Variants in MAGI1 observed in about 807,000 individuals in gnomAD.
MAGI1 encodes the protein membrane associated guanylate kinase, WW and PDZ domain containing 1.
Under a neutral mutation model 139.9 loss-of-function variants are expected in MAGI1, and 58 were observed. That is an observed-to-expected ratio of 0.41 (90% CI 0.34 to 0.52). The LOEUF (loss-of-function observed/expected upper bound fraction) is 0.52, where lower values mean the gene tolerates loss of function less well. MAGI1 is among the 20% of genes least tolerant of loss of function. MAGI1 has a pLI of 0.12. For synonymous variants in MAGI1, 812 were observed against 737.9 expected (o/e 1.10, Z -1.63); for missense variants, 1,874 against 1,901.6 (o/e 0.99, Z 0.27).
chr3:66,026,852 A>ATGTTGTAC (rs141461969), intron 1 of MAGI1, among the ~76,000 whole-genome samples: 95,363 of 151,100 alleles, frequency 0.63, 30,860 homozygotes, highest in East Asian at 0.86. Context: ...GTCACCAAGC[A>ATGTTGTAC]TGTCTCTCTG....
intron 10 of MAGI1, among the ~76,000 whole-genome samples, chr3:65,432,755 C>A (rs993868231): frequency 2.0e-5 from 3 of 152,014 alleles, no homozygotes; most frequent in Non-Finnish European, 4.4e-5. Context: ...TAAGATAACC[C>A]CCAAAGTTTA....
At chr3:65,896,721 A>C (rs1265459954) in intron 1 of MAGI1, among the ~76,000 whole-genome samples, 1 of 152,210 alleles carries the variant, frequency 6.6e-6, no homozygotes, top group Admixed American at 6.5e-5. Flanking sequence ...ACCCAACAAT[A>C]ATATGGACAG....
chr3:65,671,862 G>T (rs376189228), intron 1 of MAGI1, among the ~76,000 whole-genome samples: 3 of 152,198 alleles, frequency 2.0e-5, no homozygotes, highest in East Asian at 3.9e-4. Flanking sequence ...ACCAAAAAAA[G>T]TTCCTACAAC....
intron 1 of MAGI1, among the ~76,000 whole-genome samples, chr3:65,872,223 G>A (rs2059963332): frequency 6.6e-6 from 1 of 152,208 alleles, no homozygotes; most frequent in South Asian, 2.1e-4. Flanking sequence ...TTCATATACT[G>A]CTCACAGTCC....
chr3:65,403,304 T>G (rs1559526675), intron 12 of MAGI1, among the ~76,000 whole-genome samples: 1 of 152,162 alleles, frequency 6.6e-6, no homozygotes, highest in South Asian at 2.1e-4. Flanking sequence ...TATCTTGCAC[T>G]AACTAGAGAA....
intron 1 of MAGI1, among the ~76,000 whole-genome samples, chr3:65,801,314 C>T (rs1189478830): frequency 2.0e-5 from 3 of 152,070 alleles, no homozygotes; most frequent in Non-Finnish European, 4.4e-5. Context: ...ACAGAGCATC[C>T]AAAGGAAAGG....
intron 1 of MAGI1, chr3:65,874,216 G>A (rs1458825770): frequency 6.6e-6 from 1 of 152,172 alleles, no homozygotes; most frequent in African/African-American, 2.4e-5. Context: ...GACCCAGGAG[G>A]TGGTGGTTGT....
intron 1 of MAGI1, among the ~76,000 whole-genome samples, chr3:65,916,847 T>C (rs2108707038): frequency 6.6e-6 from 1 of 151,834 alleles, no homozygotes; most frequent in African/African-American, 2.4e-5. Context: ...AACCAAATAA[T>C]GAAATAATGA....
At chr3:65,768,127 T>C (rs1264064136) in intron 1 of MAGI1, among the ~76,000 whole-genome samples, 1 of 152,126 alleles carries the variant, frequency 6.6e-6, no homozygotes, top group African/African-American at 2.4e-5. Context: ...GCTTAAAAAA[T>C]TACTTAAGCA....
intron 12 of MAGI1, among the ~76,000 whole-genome samples, chr3:65,406,709 T>C (rs1285644960): frequency 6.6e-6 from 1 of 151,824 alleles, no homozygotes; most frequent in East Asian, 2.0e-4. Flanking sequence ...TGTCCTGGAG[T>C]TGGATTAGGT....
chr3:65,478,333 T>C (rs1416956572), intron 4 of MAGI1, among the ~76,000 whole-genome samples: 1 of 152,148 alleles, frequency 6.6e-6, no homozygotes, highest in Non-Finnish European at 1.5e-5. Flanking sequence ...CATGCTGATT[T>C]CTCGTTTGCC....
intron 1 of MAGI1, among the ~76,000 whole-genome samples, chr3:65,726,481 C>T (rs992343660): frequency 6.6e-6 from 1 of 152,166 alleles, no homozygotes; most frequent in Non-Finnish European, 1.5e-5. Context: ...CACAGCAAGG[C>T]AGGCATATAT....
intron 1 of MAGI1, among the ~76,000 whole-genome samples, chr3:65,959,837 ACT>A (rs756985997): frequency 9.0e-4 from 93 of 103,318 alleles, no homozygotes; most frequent in Non-Finnish European, 1.4e-3. Context: ...ACAGAGTCTC[ACT>A]CTGTCGCCCA....
chr3:65,965,895 C>T (rs762322273), intron 1 of MAGI1, among the ~76,000 whole-genome samples: 6 of 152,216 alleles, frequency 3.9e-5, no homozygotes, highest in Admixed American at 2.6e-4. Context: ...TCAAGTGATC[C>T]GCCTGCCTCC....
chr3:65,815,587 G>C (rs2041548182), intron 1 of MAGI1, among the ~76,000 whole-genome samples: 1 of 151,886 alleles, frequency 6.6e-6, no homozygotes, highest in African/African-American at 2.4e-5. Context: ...AAATCATATA[G>C]TATTATCTTA....
chr3:65,468,574 G>A (rs1405301474), intron 5 of MAGI1, among the ~76,000 whole-genome samples: 3 of 151,416 alleles, frequency 2.0e-5, no homozygotes, highest in South Asian at 2.1e-4. Context: ...ATGGAGTTTC[G>A]CCATGTTGGC....
chr3:65,986,842 G>A (rs574906320), intron 1 of MAGI1, among the ~76,000 whole-genome samples: 3 of 151,222 alleles, frequency 2.0e-5, no homozygotes, highest in Non-Finnish European at 4.4e-5. Context: ...TCTTTACAAT[G>A]AAGGTAAGTA....
intron 22 of MAGI1, chr3:65,360,066 C>T (rs1045929319): frequency 1.3e-5 from 13 of 985,218 alleles, no homozygotes; most frequent in East Asian, 1.1e-4. Context: ...CCCTGTACCT[C>T]GGACCCCTCG....
At chr3:65,482,118 A>G (rs1261956991) in intron 3 of MAGI1, among the ~76,000 whole-genome samples, 1 of 152,216 alleles carries the variant, frequency 6.6e-6, no homozygotes, top group African/African-American at 2.4e-5. Context: ...ACACCATATC[A>G]TGGGGTAAAA....
Sources: allele counts gnomAD v4.1 joint callset (sites outside exome capture counted in the v4.1 genomes callset), GRCh38; gene constraint gnomAD v4.1.1; transcripts MANE v1.5; gene names NCBI Gene and HGNC (gene_info 2026-07-23, HGNC 2026-07-21).